AGO2: variants seen among roughly 807,000 people sequenced by gnomAD.
The protein encoded by AGO2 is argonaute RISC catalytic component 2, also known as protein argonaute-2.
In AGO2, 5 loss-of-function variants were observed where a neutral mutation model predicts 102.3. The ratio of observed to expected loss-of-function variants is 0.05; its 90% confidence interval spans 0.03 to 0.10. The LOEUF (loss-of-function observed/expected upper bound fraction) is 0.10. Among genes scored for constraint, AGO2 ranks in the 10% least tolerant of loss-of-function variants. The pLI is 1.00. For missense variants in AGO2, 541 were observed against 1,183.7 expected, an observed-to-expected ratio of 0.46 and a Z score of 7.97; for synonymous variants, 449 against 473.1, an observed-to-expected ratio of 0.95 and a Z score of 0.66.
rs1268199227 is a variant in AGO2 at position 140,525,912 on chromosome 8, C to CCT, written c.*6131_*6132insAG. ...AGAGCCTCCCAGGACCGACTTCCTG[C>CCT]AAGTCTGCATCAGACGGTCCACTGC... On this transcript the variant is annotated 3_prime_UTR_variant, in exon 19 of 19. Coordinates refer to ENST00000220592, the MANE Select transcript of AGO2 (RefSeq NM_012154.5). 2 of 152,190 alleles carry CCT rather than the reference C, an allele frequency of 1.3e-5. No individual in the cohort carries two copies. Among genetic ancestry groups the CCT allele is most frequent in the African/African-American group, 4.8e-5 (2 of 41,446 alleles). The allele number at this position is 152,190 out of a possible 1,614,324, so 9.4% of individuals were successfully genotyped here.
Position 140,572,715 on chromosome 8 carries a change from A to C in AGO2, c.336+97T>G, listed in dbSNP as rs199911376. On this transcript the variant is annotated intron_variant, in intron 3 of 18. Coordinates refer to ENST00000220592, the MANE Select transcript of AGO2 (RefSeq NM_012154.5). ...ACTGCTCTCTCCTCCTCAGTGAAAT[A>C]GTTTCGTGTATGAGAACAGGCATGA... 4.0e-6 allele frequency: 6 copies of C among 1,487,248 alleles called. No homozygotes were observed. The East Asian group carries it at 1.4e-4, about 35-fold the overall frequency. 92.1% of individuals were successfully genotyped at this position (1,487,248 alleles called of 1,614,324 possible).
chr8:140,569,920 C>A (rs148070899), intron 3 of AGO2, among the ~76,000 whole-genome samples: 1 of 152,156 alleles, frequency 6.6e-6, no homozygotes, highest in East Asian at 1.9e-4. Context: ...AGAGTCCCCA[C>A]GAGCCTCCAG....
intron 10 of AGO2, among the ~76,000 whole-genome samples, chr8:140,551,965 G>A (rs959768128): frequency 1.3e-5 from 2 of 152,186 alleles, no homozygotes; most frequent in Non-Finnish European, 2.9e-5. Flanking sequence ...ATGGATGGAT[G>A]GAGTTAGATG....
chr8:140,532,635 T>C lies in AGO2; in HGVS notation c.2272-20A>G, dbSNP rs909292628. 6.2e-7 allele frequency: 1 copy of C among 1,611,316 alleles called. No individual in the cohort carries two copies. Among genetic ancestry groups the C allele is most frequent in the Non-Finnish European group, 8.5e-7 (1 of 1,177,650 alleles). ...TGTCCCCTAAAGCAGATCAGAAGATTAGACAGTTGGACTCGCATAAAATCT... is the reference window on the plus strand; with the variant it reads ...TGTCCCCTAAAGCAGATCAGAAGATCAGACAGTTGGACTCGCATAAAATCT... On this transcript the variant is annotated intron_variant, in intron 17 of 18. Coordinates refer to ENST00000220592, the MANE Select transcript of AGO2 (RefSeq NM_012154.5).
upstream of AGO2, chr8:140,635,668 C>T (rs1324850487): frequency 1.4e-5 from 4 of 280,230 alleles, no homozygotes; most frequent in Non-Finnish European, 2.1e-5. Context: ...CGGGCGGAGG[C>T]GGCGGCGGGA....
chr8:140,568,103 C>CAAA (rs553804959), intron 3 of AGO2, among the ~76,000 whole-genome samples: 132 of 110,508 alleles, frequency 1.2e-3, no homozygotes, highest in African/African-American at 2.3e-3. Context: ...ACTAAAAATA[C>CAAA]AAAAAAAAAA....
At chr8:140,568,866 G>A (rs146643084) in intron 3 of AGO2, among the ~76,000 whole-genome samples, 3,147 of 152,284 alleles carry the variant, frequency 0.021, 42 homozygotes, top group Middle Eastern at 0.038. Flanking sequence ...ATTGGGGTGG[G>A]CTTGGGTCAA....
At chr8:140,553,409 TTG>T (rs201787535) in intron 10 of AGO2, among the ~76,000 whole-genome samples, 9,500 of 113,404 alleles carry the variant, frequency 0.084, 560 homozygotes, top group African/African-American at 0.18. Flanking sequence ...TTTTTGTTTT[TTG>T]TTTTTTTTTT....
intron 1 of AGO2, among the ~76,000 whole-genome samples, chr8:140,621,297 A>G (rs2074215402): frequency 6.6e-6 from 1 of 152,080 alleles, no homozygotes; most frequent in African/African-American, 2.4e-5. Context: ...GCTCCAGGCC[A>G]CTTTCCTGCC....
rs1291499081 is a variant in AGO2 at position 140,618,569 on chromosome 8, G to C, written c.22+16916C>G. 2.0e-5 allele frequency among the ~76,000 whole-genome samples: 3 copies of C among 152,170 alleles called. No homozygotes were observed. In the East Asian group the frequency reaches 5.8e-4, roughly 29 times the overall value. On this transcript the variant is annotated intron_variant, in intron 1 of 18. Coordinates refer to ENST00000220592, the MANE Select transcript of AGO2 (RefSeq NM_012154.5). ...AACTGCTGAAGACATTAAGTGAAAA[G>C]GAAAGACAGAAAATCATAAATGTGG...
Position 140,549,153 on chromosome 8 carries a change from G to T in AGO2, c.1549C>A (p.Leu517Met). The part of the protein sequence containing the change: ...HLKNTYAGLQ[L>M]VVVILPGKTP... ...TTGCCGGGCAGGATGACCACCACCA[G>T]CTGCAGGCCCGCATACGTGTTCTTC... The change falls in exon 12 of 19, where the codon CTG becomes ATG. Residue 517 changes from leucine to methionine, a missense_variant. Leu to Met is a conservative substitution (Grantham distance 15). This residue lies in a region of AGO2 where 309 missense variants were observed against 735.1 expected (regional missense o/e 0.42). Transcript: ENST00000220592. 2 of 1,612,334 alleles carry T rather than the reference G, an allele frequency of 1.2e-6. No homozygotes were observed. Among genetic ancestry groups the T allele is most frequent in the Non-Finnish European group, 1.7e-6 (2 of 1,179,182 alleles).
chr8:140,622,020 C>T (rs1046714191), intron 1 of AGO2, among the ~76,000 whole-genome samples: 4 of 152,188 alleles, frequency 2.6e-5, no homozygotes, highest in African/African-American at 9.7e-5. Context: ...CAAGCCAAAT[C>T]GTAGATGAAC....
At chr8:140,541,024 T>C in intron 15 of AGO2, 140 bp downstream of exon 15, 1 of 852,916 alleles carries the variant, frequency 1.2e-6, no homozygotes, top group Non-Finnish European at 1.6e-6. Flanking sequence ...CTGGACCCCC[T>C]TCCATGGTGT....
Position 140,572,932 on chromosome 8 carries a change from C to T in AGO2, c.216G>A (p.Arg72=). ...KPEKCPRRVN[R]EIVEHMVQHF... ...GCTGGACCATGTGTTCCACGATTTC[C>T]CTGAAACAAAGACAAAAGTCGGGCA... Residue 72 remains arginine, a splice_region_variant and synonymous_variant, in exon 3 of 19, where the codon AGG becomes AGA. Transcript: ENST00000220592. 1.2e-6 allele frequency: 2 copies of T among 1,601,902 alleles called. No individual in the cohort carries two copies. Among genetic ancestry groups the T allele is most frequent in the Non-Finnish European group, 1.7e-6 (2 of 1,174,442 alleles).
chr8:140,624,619 G>A (rs530984429), intron 1 of AGO2, among the ~76,000 whole-genome samples: 22 of 152,362 alleles, frequency 1.4e-4, no homozygotes, highest in East Asian at 1.9e-4. Context: ...TCTGGTCCTC[G>A]CATTCCGAGG....
chr8:140,609,656 C>A (rs890428060), intron 1 of AGO2, among the ~76,000 whole-genome samples: 11 of 152,210 alleles, frequency 7.2e-5, no homozygotes, highest in Admixed American at 6.5e-4. Context: ...CAGTCATAAG[C>A]TCCCTGAGGA....
chr8:140,597,706 A>C (rs918314292), intron 1 of AGO2, among the ~76,000 whole-genome samples: 1 of 152,200 alleles, frequency 6.6e-6, no homozygotes, highest in African/African-American at 2.4e-5. Context: ...GAAAAAAAAA[A>C]AAGACATCAA....
chr8:140,580,055 G>A (rs1478844411), intron 2 of AGO2, among the ~76,000 whole-genome samples: 1 of 138,726 alleles, frequency 7.2e-6, no homozygotes, highest in Non-Finnish European at 1.6e-5. Flanking sequence ...AGAGCATGGG[G>A]GCAAGGCCCA....
At chr8:140,602,493 A>G (rs537564210) in intron 1 of AGO2, among the ~76,000 whole-genome samples, 2 of 152,376 alleles carry the variant, frequency 1.3e-5, no homozygotes, top group South Asian at 2.1e-4. Context: ...TAAACTGTAC[A>G]TCACGGTGGC....
Sources: gnomAD v4.1 joint callset for allele counts (sites outside exome capture counted in the v4.1 genomes callset) on GRCh38, gnomAD v4.1.1 for gene constraint, gnomAD v4.1.1 regional missense constraint, MANE v1.5 for transcripts, NCBI Gene and HGNC (gene_info 2026-07-23, HGNC 2026-07-21) for gene names.